The following CCDC191 variants were observed in gnomAD, a reference collection of about 807,000 sequenced individuals.
CCDC191 encodes the protein coiled-coil domain containing 191.
A neutral mutation model predicts 114.0 loss-of-function variants in CCDC191; 99 were observed. The observed-to-expected ratio is 0.87, with a 90% CI of 0.74 to 1.03. CCDC191 has a LOEUF of 1.03. Ranked by LOEUF, CCDC191 falls within the 50% of genes least tolerant of loss-of-function variation. The probability of loss-of-function intolerance (pLI) is 0.00; values close to 1 mark genes in which losing one functional copy is unlikely to be tolerated. For synonymous variants in CCDC191, 351 were observed against 376.0 expected, an observed-to-expected ratio of 0.93 and a Z score of 0.77; for missense variants, 973 against 1,087.0, an observed-to-expected ratio of 0.90 and a Z score of 1.47.
At chr3:113,993,817 G>A (rs532456767) in intron 13 of CCDC191, among the ~76,000 whole-genome samples, 2 of 152,204 alleles carry the variant, frequency 1.3e-5, no homozygotes, top group South Asian at 2.1e-4. Flanking sequence ...CCTGGGAGGT[G>A]GAGGTTGCAG....
At chr3:113,985,750 A>G (rs575329438) in intron 13 of CCDC191, among the ~76,000 whole-genome samples, 5 of 152,360 alleles carry the variant, frequency 3.3e-5, no homozygotes, top group South Asian at 4.1e-4. Context: ...AGAAGACATT[A>G]AAGTCTCTGA....
chr3:114,022,284 T>C (rs2076254708), intron 7 of CCDC191, among the ~76,000 whole-genome samples: 1 of 152,190 alleles, frequency 6.6e-6, no homozygotes, highest in Non-Finnish European at 1.5e-5. Flanking sequence ...ATCACACTAC[T>C]GTCACTAGGA....
At chr3:113,969,801 T>A (rs1339000922) in intron 16 of CCDC191, among the ~76,000 whole-genome samples, 1 of 152,224 alleles carries the variant, frequency 6.6e-6, no homozygotes, top group Non-Finnish European at 1.5e-5. Context: ...AGCTTTGTTC[T>A]TTTTGCTTAG....
chr3:114,034,404 A>G (rs187133506), intron 6 of CCDC191, among the ~76,000 whole-genome samples: 49 of 152,340 alleles, frequency 3.2e-4, no homozygotes, highest in Middle Eastern at 3.4e-3. Context: ...ATCATCAGCA[A>G]AACAACCCAT....
At chr3:114,019,511 T>A (rs760167723) in intron 7 of CCDC191, among the ~76,000 whole-genome samples, 7 of 152,146 alleles carry the variant, frequency 4.6e-5, no homozygotes, top group Non-Finnish European at 1.0e-4. Flanking sequence ...CCCAAAGCAG[T>A]ACTTAACTCA....
At chr3:114,008,261 T>C (rs1005843976) in intron 9 of CCDC191, among the ~76,000 whole-genome samples, 1 of 151,418 alleles carries the variant, frequency 6.6e-6, no homozygotes, top group Non-Finnish European at 1.5e-5. Flanking sequence ...TAGAAGTCTG[T>C]CTTGGGTCTC....
rs767903020 is a variant in CCDC191, at chr3:114,046,767, G to A, written c.130-35C>T. Reference sequence around the variant, plus strand: ...AACAGAAAAAAAAATCCATAAAGATGACAACAAATTTGTTCAGTTAGAGAA... The same window carrying A: ...AACAGAAAAAAAAATCCATAAAGATAACAACAAATTTGTTCAGTTAGAGAA... On this transcript the variant is annotated intron_variant, in intron 2 of 16. Coordinates refer to ENST00000295878, the MANE Select transcript of CCDC191 (RefSeq NM_020817.2). The A allele has an allele frequency of 1.5e-5, 23 of 1,554,924 alleles. No homozygotes were observed. In the African/African-American group the frequency reaches 2.2e-4, roughly 15 times the overall value.
intron 16 of CCDC191, among the ~76,000 whole-genome samples, chr3:113,971,409 G>A (rs1454506739): frequency 1.3e-5 from 2 of 152,142 alleles, no homozygotes; most frequent in Non-Finnish European, 1.5e-5. Flanking sequence ...TTTATTGAAT[G>A]CCTTTTTGGA....
At chr3:114,003,501 A>AC (rs1400810379) in intron 11 of CCDC191, 1 of 985,216 alleles carries the variant, frequency 1.0e-6, no homozygotes, top group African/African-American at 1.7e-5. Context: ...AAAGTAAGAG[A>AC]CCCCTAAGAA....
chr3:113,970,443 A>T (rs889995424), intron 16 of CCDC191, among the ~76,000 whole-genome samples: 4 of 152,126 alleles, frequency 2.6e-5, no homozygotes, highest in Non-Finnish European at 5.9e-5. Context: ...TACAGCCATG[A>T]GCCATCACAT....
chr3:114,042,367 T>C lies in CCDC191; in HGVS notation c.415+336A>G, dbSNP rs111979471. Among the ~76,000 whole-genome samples, 483 of 152,308 alleles carry C rather than the reference T, an allele frequency of 3.2e-3. 2 individuals carry two copies. Among genetic ancestry groups the C allele is most frequent in the African/African-American group, 9.9e-3 (413 of 41,568 alleles). ...ATACTGTATTAGGTATTGTAAGTTG[T>C]CTAGAGATGATTTAAAGTATGCGAG... is the stretch of plus-strand genomic sequence containing the variant. On this transcript the variant is annotated intron_variant, in intron 4 of 16. Coordinates refer to ENST00000295878, the MANE Select transcript of CCDC191 (RefSeq NM_020817.2).
chr3:113,996,008 T>C (rs946756349), intron 13 of CCDC191, among the ~76,000 whole-genome samples: 2 of 152,094 alleles, frequency 1.3e-5, no homozygotes, highest in Non-Finnish European at 2.9e-5. Flanking sequence ...AAATTCTTTA[T>C]AGATTCTGGA....
chr3:114,020,485 T>C (rs901888101), intron 7 of CCDC191, among the ~76,000 whole-genome samples: 2 of 152,122 alleles, frequency 1.3e-5, no homozygotes, highest in African/African-American at 4.8e-5. Context: ...GTCCTAGACC[T>C]TCACCTTAGA....
chr3:114,010,844 G>C lies in CCDC191; in HGVS notation c.1341C>G (p.Ala447=). 1.9e-6 allele frequency: 3 copies of C among 1,614,024 alleles called. No individual in the cohort carries two copies. ...GTAGACTGATGCCTGATAACCCATT[G>C]GCACTGAGTTTCCCCAGTGATGCTG... ...LQAASLGKLS[A]NGLSGISLPE... The change falls in exon 9 of 17, where the codon GCC becomes GCG. Residue 447 remains alanine (A), a synonymous_variant. Coordinates refer to ENST00000295878, the MANE Select transcript of CCDC191 (RefSeq NM_020817.2).
chr3:113,966,239 C>T (rs1462521380), intron 16 of CCDC191, among the ~76,000 whole-genome samples: 1 of 152,152 alleles, frequency 6.6e-6, no homozygotes, highest in South Asian at 2.1e-4. Flanking sequence ...AGAAAAAATA[C>T]CCTAACATCA....
At chr3:113,968,461 CT>C (rs1280809551) in intron 16 of CCDC191, among the ~76,000 whole-genome samples, 49 of 144,806 alleles carry the variant, frequency 3.4e-4, no homozygotes, top group Middle Eastern at 3.5e-3. Context: ...CTTCCCCCCC[CT>C]TTTTTTTTTA....
chr3:114,030,599 T>C (rs2076391018), intron 7 of CCDC191, among the ~76,000 whole-genome samples: 1 of 152,220 alleles, frequency 6.6e-6, no homozygotes, highest in Non-Finnish European at 1.5e-5. Context: ...AAATTTTTGT[T>C]GGTTAATAAC....
rs2075947150 is a variant in CCDC191, at chr3:114,005,824, T to C, written c.1552A>G (p.Lys518Glu). ...QNVSLSAPGNKQHKTLGAEPS... is the reference protein window; with the variant it reads ...QNVSLSAPGNEQHKTLGAEPS... ...TCAGCACCCAGGGTCTTGTGCTGCT[T>C]ATTGCCAGGTGCACTCAGAGAGACA... Residue 518 changes from lysine to glutamate, a missense_variant, in exon 10 of 17, where the codon AAG becomes GAG. Transcript: ENST00000295878. The C allele has an allele frequency of 1.2e-6, 2 of 1,613,942 alleles. No individual in the cohort carries two copies. Among genetic ancestry groups the C allele is most frequent in the African/African-American group, 2.7e-5 (2 of 74,902 alleles).
intron 8 of CCDC191, among the ~76,000 whole-genome samples, chr3:114,013,856 G>C (rs1272006683): frequency 6.6e-6 from 1 of 152,130 alleles, no homozygotes; most frequent in Non-Finnish European, 1.5e-5. Flanking sequence ...CTAGACATGG[G>C]ACACTGGGAC....
Sources: allele counts gnomAD v4.1 joint callset (sites outside exome capture counted in the v4.1 genomes callset), GRCh38; gene constraint gnomAD v4.1.1; transcripts MANE v1.5; gene names NCBI Gene and HGNC (gene_info 2026-07-23, HGNC 2026-07-21).